Variants in STAT1 observed in about 807,000 individuals in gnomAD.
STAT1 encodes the protein signal transducer and activator of transcription 1.
Under a neutral mutation model 111.7 loss-of-function variants are expected in STAT1, and 24 were observed. That is an observed-to-expected ratio of 0.21 (90% CI 0.16 to 0.30). The LOEUF is 0.30. Ranked by LOEUF, STAT1 falls within the 10% of genes least tolerant of loss-of-function variation. The pLI is 1.00. For missense variants in STAT1, 351 were observed against 911.9 expected, an observed-to-expected ratio of 0.38 and a Z score of 7.92; for synonymous variants, 332 against 326.5, an observed-to-expected ratio of 1.02 and a Z score of -0.18.
rs1692449124 is a variant in STAT1 at position 190,982,278 on chromosome 2, G to A, written c.1582+105C>T. On this transcript the variant is annotated intron_variant, in intron 18 of 24. Transcript: ENST00000361099. The surrounding 1 kb of genome is among the most constrained non-coding windows in gnomAD (Gnocchi z 7.3). ...TAGCTTGAAAAGCTGACAGATTTTA[G>A]TACTTTTTTACCTTTAACAAAATAG... 3.7e-6 allele frequency: 5 copies of A among 1,354,926 alleles called. No individual in the cohort carries two copies. The highest frequency in any genetic ancestry group is 1.4e-5 in the African/African-American group (1 of 69,056). The allele number at this position is 1,354,926 out of a possible 1,614,324, so 83.9% of individuals were successfully genotyped here. A position where few individuals can be genotyped will look rare whatever the true frequency, so the allele number is the denominator to read the frequency against.
intron 10 of STAT1, among the ~76,000 whole-genome samples, chr2:190,992,432 G>A (rs994459876): frequency 6.6e-6 from 1 of 152,042 alleles, no homozygotes; most frequent in African/African-American, 2.4e-5. Context: ...AAAGGTTTAA[G>A]ACAGTTCTGA....
In STAT1 at chr2:190,975,910, C is replaced by G. The variant is rs200453644; in HGVS notation, c.2060-23G>C. ...GTGCTAGAAATAAACACATTGTGTA[C>G]GCTTTCCATCAACCGAAATTCCATC... is the stretch of plus-strand genomic sequence containing the variant. On this transcript the variant is annotated intron_variant, in intron 22 of 24. Transcript: ENST00000361099. This position sits in a 1 kb window ranked among gnomAD's most constrained non-coding sequence, Gnocchi z 5.9. 1.9e-6 allele frequency: 3 copies of G among 1,591,166 alleles called. No individual in the cohort carries two copies. The highest frequency in any genetic ancestry group is 2.6e-6 in the Non-Finnish European group (3 of 1,159,216).
In STAT1 at chr2:190,989,439, G is replaced by A. The variant is rs1693142505; in HGVS notation, c.1097+176C>T. On this transcript the variant is annotated intron_variant, in intron 12 of 24. Coordinates refer to ENST00000361099, the MANE Select transcript of STAT1 (RefSeq NM_007315.4). This position sits in a 1 kb window ranked among gnomAD's most constrained non-coding sequence, Gnocchi z 5.0. ...TCTGACTAGAAGTCTCTGCTCATGC[G>A]CAGCATTGTCAGGACTCTGGGTTCA... Among the ~76,000 whole-genome samples the A allele has an allele frequency of 6.6e-6, 1 of 152,190 alleles. No individual in the cohort carries two copies.
Position 190,980,607 on chromosome 2 carries a change from A to G in STAT1, c.1632+13T>C, listed in dbSNP as rs1384139671. 6.2e-7 allele frequency: 1 copy of G among 1,613,996 alleles called. No homozygotes were observed. The highest frequency in any genetic ancestry group is 8.5e-7 in the Non-Finnish European group (1 of 1,179,930). On this transcript the variant is annotated intron_variant, in intron 19 of 24. Coordinates refer to ENST00000361099, the MANE Select transcript of STAT1 (RefSeq NM_007315.4). The surrounding 1 kb of genome is among the most constrained non-coding windows in gnomAD (Gnocchi z 6.1). The stretch of plus-strand genomic sequence containing the variant: ...AAAGGACTTAGAGAGCATAAAACCC[A>G]GACAGTCCTCACCTTACAAAACCTC...
rs1692379876 is a variant in STAT1, at chr2:190,981,410, A to C, written c.1583-741T>G. ...ACCAAGTGAGAGAAACGAGAGGAAG[A>C]AGCCCGGGGTTATTAGCTACACAAA... On this transcript the variant is annotated intron_variant, in intron 18 of 24. Transcript: ENST00000361099. The surrounding 1 kb of genome is among the most constrained non-coding windows in gnomAD (Gnocchi z 4.1). Among the ~76,000 whole-genome samples, 2 of 152,256 alleles carry C rather than the reference A, an allele frequency of 1.3e-5. No homozygotes were observed. The highest frequency in any genetic ancestry group is 1.5e-5 in the Non-Finnish European group (1 of 68,036).
rs2124998868 is a variant in STAT1, at chr2:190,976,539, G to A, written c.2059+301C>T. Among the ~76,000 whole-genome samples, 1 of 152,278 alleles carries A rather than the reference G, an allele frequency of 6.6e-6. No homozygotes were observed. Among genetic ancestry groups the A allele is most frequent in the South Asian group, 2.1e-4 (1 of 4,834 alleles). On this transcript the variant is annotated intron_variant, in intron 22 of 24. Transcript: ENST00000361099. The surrounding 1 kb of genome is among the most constrained non-coding windows in gnomAD (Gnocchi z 6.0). Reference sequence around the variant, plus strand: ...AACGTGAGCAAGATGCCTTCTGTTGGTTTACCACAGTTCCTTATTTAAACC... The same window carrying A: ...AACGTGAGCAAGATGCCTTCTGTTGATTTACCACAGTTCCTTATTTAAACC...
rs1167586715 is a variant in STAT1, at chr2:190,997,056, C to A, written c.785+800G>T. Among the ~76,000 whole-genome samples the A allele has an allele frequency of 1.3e-5, 2 of 152,212 alleles. No homozygotes were observed. Among genetic ancestry groups the A allele is most frequent in the African/African-American group, 4.8e-5 (2 of 41,454 alleles). ...GGTGCTGAGAACCTGCACCATCAGG[C>A]TCCAGCATCTCCCACCGGGTCCACT... On this transcript the variant is annotated intron_variant, in intron 9 of 24. Coordinates refer to ENST00000361099, the MANE Select transcript of STAT1 (RefSeq NM_007315.4). The surrounding 1 kb of genome is among the most constrained non-coding windows in gnomAD (Gnocchi z 7.3).
intron 1 of STAT1, 105 bp downstream of exon 1, chr2:191,013,913 G>A: frequency 2.8e-6 from 1 of 363,240 alleles, no homozygotes; most frequent in Non-Finnish European, 4.9e-6. Flanking sequence ...ACTATTCGCG[G>A]GTCAGCACAG....
At position 191,006,720 on chromosome 2, in the gene STAT1, A is replaced by G. The variant is rs1360847386; in HGVS notation, c.372+843T>C. On this transcript the variant is annotated intron_variant, in intron 5 of 24. Coordinates refer to ENST00000361099, the MANE Select transcript of STAT1 (RefSeq NM_007315.4). This position sits in a 1 kb window ranked among gnomAD's most constrained non-coding sequence, Gnocchi z 4.6. The stretch of plus-strand genomic sequence containing the variant: ...CCCCAGTGCTCAAGAAAGGAATACT[A>G]AATGCCATAGCAAATTCAAAACTCT... Among the ~76,000 whole-genome samples, 1 of 152,240 alleles carries G rather than the reference A, an allele frequency of 6.6e-6. No individual in the cohort carries two copies. The highest frequency in any genetic ancestry group is 2.4e-5 in the African/African-American group (1 of 41,466).
rs968331592 is a variant in STAT1, at chr2:190,987,599, C to G, written c.1098-531G>C. ...ATCTTTAATGCTCTCATGAAAGTAC[C>G]AGGAAAGTCAGTTATCTGGGGAAAG... On this transcript the variant is annotated intron_variant, in intron 12 of 24. Transcript: ENST00000361099. This position sits in a 1 kb window ranked among gnomAD's most constrained non-coding sequence, Gnocchi z 4.0. Among the ~76,000 whole-genome samples, 2 of 152,126 alleles carry G rather than the reference C, an allele frequency of 1.3e-5. No homozygotes were observed. Among genetic ancestry groups the G allele is most frequent in the African/African-American group, 4.8e-5 (2 of 41,412 alleles).
In STAT1 at chr2:190,983,799, A is replaced by G; in HGVS notation, c.1348-59T>C. 1 of 1,409,792 alleles carries G rather than the reference A, an allele frequency of 7.1e-7. No homozygotes were observed. The highest frequency in any genetic ancestry group is 2.3e-5 in the East Asian group (1 of 43,918). The allele number at this position is 1,409,792 out of a possible 1,614,324, so 87.3% of individuals were successfully genotyped here. A position where few individuals can be genotyped will look rare whatever the true frequency, so the allele number is the denominator to read the frequency against. On this transcript the variant is annotated intron_variant, in intron 16 of 24. Coordinates refer to ENST00000361099, the MANE Select transcript of STAT1 (RefSeq NM_007315.4). The surrounding 1 kb of genome is among the most constrained non-coding windows in gnomAD (Gnocchi z 5.7). ...ATCACAGAAATGTCACCTTCAGATA[A>G]CTGCTTAGCCTCAACTAAAAGCAGG...
At chr2:191,005,342 C>G (rs1008848690) in intron 5 of STAT1, among the ~76,000 whole-genome samples, 2 of 152,196 alleles carry the variant, frequency 1.3e-5, no homozygotes, top group Non-Finnish European at 2.9e-5. Context: ...AGAATATACA[C>G]AGTCATGTAC....
rs568527041 is a variant in STAT1 at position 190,988,434 on chromosome 2, A to G, written c.1097+1181T>C. Among the ~76,000 whole-genome samples the G allele has an allele frequency of 5.9e-5, 9 of 152,358 alleles. No individual in the cohort carries two copies. The East Asian group carries it at 1.7e-3, about 29-fold the overall frequency. ...CACTCTGTCACCCAGGCTGGAGTGC[A>G]GTGGCATGATCTCAGCTCACTGCAA... is the stretch of plus-strand genomic sequence containing the variant. On this transcript the variant is annotated intron_variant, in intron 12 of 24. Transcript: ENST00000361099.
intron 12 of STAT1, among the ~76,000 whole-genome samples, chr2:190,988,910 TG>T (rs45509596): frequency 5.2e-3 from 314 of 59,964 alleles, no homozygotes; most frequent in African/African-American, 0.018. Flanking sequence ...ATGGGAGGGG[TG>T]GGGGGGGAGC....
chr2:190,982,642 GT>G lies in STAT1; in HGVS notation c.1447-125del, dbSNP rs2125018937. On this transcript the variant is annotated intron_variant, in intron 17 of 24. Transcript: ENST00000361099. The surrounding 1 kb of genome is among the most constrained non-coding windows in gnomAD (Gnocchi z 7.3). ...TATATGACACACAGGTGCTTTCACA[GT>G]AGGGGAAGAGAAATACAGTCAATTT... The G allele has an allele frequency of 4.8e-6, 5 of 1,031,916 alleles. No homozygotes were observed. The South Asian group carries it at 6.7e-5, about 14-fold the overall frequency. 63.9% of individuals were successfully genotyped at this position (1,031,916 alleles called of 1,614,324 possible).
Position 191,006,926 on chromosome 2 carries a change from A to T in STAT1, c.372+637T>A, listed in dbSNP as rs1037407790. Among the ~76,000 whole-genome samples the T allele has an allele frequency of 1.3e-5, 2 of 151,630 alleles. No homozygotes were observed. Among genetic ancestry groups the T allele is most frequent in the African/African-American group, 4.8e-5 (2 of 41,252 alleles). On this transcript the variant is annotated intron_variant, in intron 5 of 24. Transcript: ENST00000361099. This position sits in a 1 kb window ranked among gnomAD's most constrained non-coding sequence, Gnocchi z 4.6. ...CATCAGCCTCCTTTTCTCTCCACAAACCTATTGAGTCCTACAAAACTCCTG... is the reference window on the plus strand; with the variant it reads ...CATCAGCCTCCTTTTCTCTCCACAATCCTATTGAGTCCTACAAAACTCCTG...
At chr2:190,988,695 G>GGAGT (rs1693068649) in intron 12 of STAT1, among the ~76,000 whole-genome samples, 1 of 152,146 alleles carries the variant, frequency 6.6e-6, no homozygotes. Flanking sequence ...CTAAGTTTTG[G>GGAGT]GAGTGGTTTG....
chr2:190,991,714 T>A (rs180928754), intron 10 of STAT1, among the ~76,000 whole-genome samples: 2 of 151,624 alleles, frequency 1.3e-5, no homozygotes, highest in African/African-American at 2.4e-5. Flanking sequence ...TTTTTTTTTT[T>A]AATTAGCCAG....
chr2:191,009,180 G>A, intron 3 of STAT1, 73 bp from the exon 4 acceptor site: 2 of 1,527,468 alleles, frequency 1.3e-6, no homozygotes, highest in South Asian at 1.2e-5. Flanking sequence ...ACAAATGTTG[G>A]TTTCCTTATT....
Sources: allele counts gnomAD v4.1 joint callset (sites outside exome capture counted in the v4.1 genomes callset), GRCh38; gene constraint gnomAD v4.1.1; non-coding constraint Gnocchi (gnomAD v3.1); transcripts MANE v1.5; gene names NCBI Gene and HGNC (gene_info 2026-07-23, HGNC 2026-07-21).